ITGB4: variants seen among roughly 807,000 people sequenced by gnomAD.
ITGB4 encodes the protein integrin subunit beta 4.
In ITGB4, 159 loss-of-function variants were observed where a neutral mutation model predicts 207.6. That is an observed-to-expected ratio of 0.77 (90% confidence interval 0.67 to 0.87). The LOEUF (loss-of-function observed/expected upper bound fraction) is 0.87, where lower values mean the gene tolerates loss of function less well. Ranked by LOEUF, ITGB4 falls within the 40% of genes least tolerant of loss-of-function variation. ITGB4 has a pLI of 0.00. For missense variants in ITGB4, 2,278 were observed against 2,546.8 expected (o/e 0.89, Z 2.27); for synonymous variants, 1,020 against 1,062.7 (o/e 0.96, Z 0.78).
In ITGB4 at chr17:75,737,522, GCCT is replaced by G; in HGVS notation, c.2114-8_2114-6del. On this transcript the variant is annotated splice_polypyrimidine_tract_variant and intron_variant, in intron 17 of 39. Transcript: ENST00000200181. Reference sequence around the variant, plus strand: ...GGGAGGACAGGCACCACCTCCCCCTGCCTCCTCCTCTCCAGACTGCCCTCCGGG... The same window carrying G: ...GGGAGGACAGGCACCACCTCCCCCTGCCTCCTCTCCAGACTGCCCTCCGGG... 1.3e-6 allele frequency: 2 copies of G among 1,561,076 alleles called. No individual in the cohort carries two copies. Among genetic ancestry groups the G allele is most frequent in the Non-Finnish European group, 1.7e-6 (2 of 1,153,070 alleles).
In ITGB4 at chr17:75,751,065, G is replaced by T; in HGVS notation, c.3747G>T (p.Glu1249Asp). 1.2e-6 allele frequency: 2 copies of T among 1,613,918 alleles called. No homozygotes were observed. Among genetic ancestry groups the T allele is most frequent in the Non-Finnish European group, 8.5e-7 (1 of 1,180,042 alleles). Residue 1249 changes from glutamate to aspartate, a missense_variant, in exon 30 of 40, where the codon GAG (glutamate) becomes GAT (aspartate). By Grantham distance (45) the Glu-to-Asp change is conservative. Coordinates refer to ENST00000200181, the MANE Select transcript of ITGB4 (RefSeq NM_000213.5). ...SWAEPAETNG[E>D]ITAYEVCYGL... ...CTGAGCCGGCTGAGACCAACGGTGA[G>T]ATCACAGCCTACGAGGTCTGCTATG...
rs1258980694 is a variant in ITGB4 at position 75,750,668 on chromosome 17, C to T, written c.3475-12C>T. ...GCTCCCTGCTGACCAGGACCCCTGT[C>T]CCTGGGGGTAGGTAAAGTACTGGAT... On this transcript the variant is annotated splice_polypyrimidine_tract_variant and intron_variant, in intron 28 of 39. Transcript: ENST00000200181. This position sits in a 1 kb window ranked among gnomAD's most constrained non-coding sequence, Gnocchi z 5.5. 3 of 1,612,108 alleles carry T rather than the reference C, an allele frequency of 1.9e-6. No homozygotes were observed. The highest frequency in any genetic ancestry group is 2.5e-6 in the Non-Finnish European group (3 of 1,179,346).
rs757814859 is a variant in ITGB4 at position 75,740,531 on chromosome 17, C to A, written c.2550+70C>A. ...GGCGGGTGAGGTGGGCAGGGCAGAG[C>A]GAATGCGGTCGTGGTACCGAGATTC... On this transcript the variant is annotated intron_variant, in intron 21 of 39. Coordinates refer to ENST00000200181, the MANE Select transcript of ITGB4 (RefSeq NM_000213.5). The surrounding 1 kb of genome is among the most constrained non-coding windows in gnomAD (Gnocchi z 5.9). 1.6e-6 allele frequency: 2 copies of A among 1,285,504 alleles called. No homozygotes were observed. The highest frequency in any genetic ancestry group is 1.7e-5 in the Admixed American group (1 of 57,244). 79.6% of individuals were successfully genotyped at this position (1,285,504 alleles called of 1,614,324 possible).
At chr17:75,755,999 C>T (rs2061491756) in intron 35 of ITGB4, 149 bp downstream of exon 35, 1 of 959,632 alleles carries the variant, frequency 1.0e-6, no homozygotes, top group Non-Finnish European at 1.6e-6. Context: ...TCTCCCACCC[C>T]ATTCTCCACC....
intron 26 of ITGB4, among the ~76,000 whole-genome samples, chr17:75,747,026 G>A (rs2061248295): frequency 1.3e-5 from 2 of 151,012 alleles, no homozygotes; most frequent in Non-Finnish European, 2.9e-5. Context: ...ACAGAAAAAT[G>A]GAAGGAACAG....
chr17:75,735,944 C>T lies in ITGB4; in HGVS notation c.1658-107C>T, dbSNP rs820174. On this transcript the variant is annotated intron_variant, in intron 13 of 39. Coordinates refer to ENST00000200181, the MANE Select transcript of ITGB4 (RefSeq NM_000213.5). ...TGACTTCTACCCCAGGCTAGCGGCA[C>T]CCTGGCTCCCACAGCTCTGTTCCCA... 758,266 of 1,012,072 alleles carry T rather than the reference C, an allele frequency of 0.75. 287,087 individuals carry two copies. The highest frequency in any genetic ancestry group is 0.79 in the Non-Finnish European group (505,532 of 642,478). The allele number at this position is 1,012,072 out of a possible 1,614,324, so 62.7% of individuals were successfully genotyped here. A position where few individuals can be genotyped will look rare whatever the true frequency, so the allele number is the denominator to read the frequency against.
rs756466772 is a variant in ITGB4 at position 75,742,682 on chromosome 17, G to T, written c.2883G>T (p.Leu961=). The T allele has an allele frequency of 6.2e-7, 1 of 1,613,976 alleles. No individual in the cohort carries two copies. The highest frequency in any genetic ancestry group is 8.5e-7 in the Non-Finnish European group (1 of 1,180,042). ...RPEDDDEKQL[L]VEAIDVPAGT... ...AGGATGACGACGAGAAGCAGCTGCTGGTGGAGGCCATCGACGTGCCCGCAG... is the reference window on the plus strand; with the variant it reads ...AGGATGACGACGAGAAGCAGCTGCTTGTGGAGGCCATCGACGTGCCCGCAG... The change falls in exon 25 of 40, where the codon CTG becomes CTT. Residue 961 remains leucine (L), a synonymous_variant. Transcript: ENST00000200181. The surrounding 1 kb of genome is among the most constrained non-coding windows in gnomAD (Gnocchi z 5.9).
chr17:75,733,908 C>G (rs2060918526), intron 13 of ITGB4, among the ~76,000 whole-genome samples: 1 of 152,172 alleles, frequency 6.6e-6, no homozygotes, highest in Non-Finnish European at 1.5e-5. Flanking sequence ...CCCAAGGTCA[C>G]TGTTGGCAGG....
chr17:75,739,829 G>A lies in ITGB4; in HGVS notation c.2255-51G>A. On this transcript the variant is annotated intron_variant, in intron 19 of 39. Coordinates refer to ENST00000200181, the MANE Select transcript of ITGB4 (RefSeq NM_000213.5). This position sits in a 1 kb window ranked among gnomAD's most constrained non-coding sequence, Gnocchi z 5.4. The stretch of plus-strand genomic sequence containing the variant: ...CTCTGGGGTCCCACCTGAAGAGGTT[G>A]GGCTGTGCGGGTCTAGGGAGGGGTG... The A allele has an allele frequency of 6.2e-7, 1 of 1,610,468 alleles. No individual in the cohort carries two copies. Among genetic ancestry groups the A allele is most frequent in the South Asian group, 1.1e-5 (1 of 90,994 alleles).
intron 2 of ITGB4, among the ~76,000 whole-genome samples, chr17:75,725,691 A>G (rs369230264): frequency 2.6e-4 from 39 of 152,316 alleles, no homozygotes; most frequent in African/African-American, 9.1e-4. Context: ...CACCAGGTGC[A>G]CACAGTAGGT....
chr17:75,746,092 T>C (rs2143239923), intron 26 of ITGB4, among the ~76,000 whole-genome samples: 1 of 152,254 alleles, frequency 6.6e-6, no homozygotes, highest in Admixed American at 6.5e-5. Flanking sequence ...TTTTTTTCTT[T>C]TAAGAGACAA....
chr17:75,737,610 T>C lies in ITGB4; in HGVS notation c.2186T>C (p.Leu729Pro), dbSNP rs768925081. 6.2e-7 allele frequency: 1 copy of C among 1,613,386 alleles called. No individual in the cohort carries two copies. Among genetic ancestry groups the C allele is most frequent in the Non-Finnish European group, 8.5e-7 (1 of 1,179,774 alleles). ...CTCCTGCCGCTCCTGGCCCTGCTAC[T>C]GCTGCTATGCTGGAAGTACTGTGCC... Reference protein sequence around the residue: ...LLLLPLLALLLLLCWKYCACC... With the variant: ...LLLLPLLALLPLLCWKYCACC... The change falls in exon 18 of 40, where the codon CTG becomes CCG. Residue 729 changes from leucine (L) to proline (P), a missense_variant. Physicochemically the swap from Leu to Pro is moderately conservative, Grantham distance 98. Coordinates refer to ENST00000200181, the MANE Select transcript of ITGB4 (RefSeq NM_000213.5).
chr17:75,755,846 C>A lies in ITGB4; in HGVS notation c.4704C>A (p.Asn1568Lys), dbSNP rs745944120. 1 of 1,603,528 alleles carries A rather than the reference C, an allele frequency of 6.2e-7. No individual in the cohort carries two copies. The highest frequency in any genetic ancestry group is 1.3e-5 in the African/African-American group (1 of 74,850). ...QGYSVEYQLL[N>K]GGELHRLNIP... ...ACAGTGTGGAGTACCAGCTGCTGAA[C>A]GGCGGTGAGGCATGGTGGCTGCCAG... The change falls in exon 35 of 40, where the codon AAC becomes AAA. Residue 1568 changes from asparagine to lysine, a missense_variant. Coordinates refer to ENST00000200181, the MANE Select transcript of ITGB4 (RefSeq NM_000213.5).
chr17:75,727,750 G>T lies in ITGB4; in HGVS notation c.364G>T (p.Val122Leu). ...TGAGGAGCGGCATTTTGAGCTGGAG[G>T]TGTTTGAGCCACTGGAGAGCCCCGT... ...PGEERHFELE[V>L]FEPLESPVDL... Residue 122 changes from valine to leucine, a missense_variant, in exon 5 of 40, where the codon GTG (valine) becomes TTG (leucine). Physicochemically the swap from Val to Leu is conservative, Grantham distance 32. Coordinates refer to ENST00000200181, the MANE Select transcript of ITGB4 (RefSeq NM_000213.5). The surrounding 1 kb of genome is among the most constrained non-coding windows in gnomAD (Gnocchi z 6.0). 6.2e-7 allele frequency: 1 copy of T among 1,614,070 alleles called. No individual in the cohort carries two copies. The highest frequency in any genetic ancestry group is 8.5e-7 in the Non-Finnish European group (1 of 1,180,030).
chr17:75,731,517 G>A lies in ITGB4; in HGVS notation c.1215+149G>A. ...GGGCCTAGCCGCTCGGATGAGCCTA[G>A]GTTGCTCCTCTGCTTGTTGGTTTCC... On this transcript the variant is annotated intron_variant, in intron 10 of 39. Coordinates refer to ENST00000200181, the MANE Select transcript of ITGB4 (RefSeq NM_000213.5). The surrounding 1 kb of genome is among the most constrained non-coding windows in gnomAD (Gnocchi z 6.8). The A allele has an allele frequency of 2.3e-6, 2 of 880,530 alleles. No homozygotes were observed. The highest frequency in any genetic ancestry group is 1.7e-5 in the South Asian group (1 of 59,140). The allele number at this position is 880,530 out of a possible 1,614,324, so 54.5% of individuals were successfully genotyped here. A position where few individuals can be genotyped will look rare whatever the true frequency, so the allele number is the denominator to read the frequency against.
chr17:75,751,844 G>A (rs1297542299), intron 30 of ITGB4: 1 of 422,128 alleles, frequency 2.4e-6, no homozygotes, highest in East Asian at 5.2e-5. Context: ...TGGAAGGGAG[G>A]CAGGGTGGGC....
chr17:75,754,106 C>T, intron 33 of ITGB4, 132 bp downstream of exon 33: 1 of 454,260 alleles, frequency 2.2e-6, no homozygotes, highest in Non-Finnish European at 3.8e-6. Flanking sequence ...CGGCTGGGAG[C>T]ACAGCTGCTC....
chr17:75,734,407 C>T (rs2060932664), intron 13 of ITGB4, among the ~76,000 whole-genome samples: 1 of 151,942 alleles, frequency 6.6e-6, no homozygotes. Context: ...AAGTACACAT[C>T]TGTAATCACA....
intron 34 of ITGB4, 146 bp from the exon 35 acceptor site, chr17:75,755,555 C>A: frequency 9.9e-7 from 1 of 1,008,560 alleles, no homozygotes; most frequent in Non-Finnish European, 1.5e-6. Context: ...GCAGCCTGGA[C>A]AGGGTGTTGC....
Sources: gnomAD v4.1 joint callset for allele counts (sites outside exome capture counted in the v4.1 genomes callset) on GRCh38, gnomAD v4.1.1 for gene constraint, Gnocchi (gnomAD v3.1) non-coding constraint, MANE v1.5 for transcripts, NCBI Gene and HGNC (gene_info 2026-07-23, HGNC 2026-07-21) for gene names.